The following ALK variants were observed in gnomAD, a reference collection of about 807,000 sequenced individuals.
The protein encoded by ALK is ALK receptor tyrosine kinase.
In ALK, 74 loss-of-function variants were observed where a neutral mutation model predicts 163.1. The observed-to-expected ratio is 0.45, with a 90% CI of 0.38 to 0.55. The LOEUF is 0.55. Ranked by LOEUF, ALK falls within the 20% of genes least tolerant of loss-of-function variation. The pLI is 0.00. For synonymous variants in ALK, 960 were observed against 843.2 expected, an observed-to-expected ratio of 1.14 and a Z score of -2.40; for missense variants, 2,063 against 2,105.3, an observed-to-expected ratio of 0.98 and a Z score of 0.39.
intron 5 of ALK, among the ~76,000 whole-genome samples, chr2:29,350,823 G>T (rs1389535593): frequency 6.6e-6 from 1 of 152,188 alleles, no homozygotes; most frequent in African/African-American, 2.4e-5. Flanking sequence ...GTCCAAGGTT[G>T]CAGAGCCAAA....
intron 11 of ALK, among the ~76,000 whole-genome samples, chr2:29,256,911 G>A (rs1053693676): frequency 5.3e-5 from 8 of 152,190 alleles, no homozygotes; most frequent in African/African-American, 1.9e-4. Flanking sequence ...GTGTCATAAG[G>A]GAAACCTAGT....
intron 3 of ALK, among the ~76,000 whole-genome samples, chr2:29,537,552 G>A (rs1673293221): frequency 6.6e-6 from 1 of 152,228 alleles, no homozygotes; most frequent in Non-Finnish European, 1.5e-5. Context: ...TACCACTGGG[G>A]CAGAGCCCTG....
chr2:29,233,904 G>T (rs1664294567), intron 13 of ALK, among the ~76,000 whole-genome samples: 1 of 152,232 alleles, frequency 6.6e-6, no homozygotes, highest in South Asian at 2.1e-4. Context: ...GAAAATGCTA[G>T]GAGAAACTGG....
chr2:29,800,413 C>A (rs1231949470), intron 1 of ALK, among the ~76,000 whole-genome samples: 1 of 152,144 alleles, frequency 6.6e-6, no homozygotes, highest in Admixed American at 6.5e-5. Context: ...GGTTTTATTG[C>A]GTTCACAGGC....
chr2:29,239,674 A>C lies in ALK; in HGVS notation c.2355+6T>G, dbSNP rs538087576. ...CAGACGAGAAACCCCTGCTCTGGGC[A>C]CTTACACTGGGGCAGGCGTCCTCTC... On this transcript the variant is annotated splice_donor_region_variant and intron_variant, in intron 13 of 28. Coordinates refer to ENST00000389048, the MANE Select transcript of ALK (RefSeq NM_004304.5). The C allele has an allele frequency of 1.2e-6, 2 of 1,613,694 alleles. No individual in the cohort carries two copies. Among genetic ancestry groups the C allele is most frequent in the Admixed American group, 3.3e-5 (2 of 60,020 alleles).
chr2:29,709,337 T>C (rs1387542948), intron 2 of ALK, among the ~76,000 whole-genome samples: 1 of 152,212 alleles, frequency 6.6e-6, no homozygotes, highest in Non-Finnish European at 1.5e-5. Flanking sequence ...GGAATGTCCC[T>C]GCCCTTTAAT....
intron 12 of ALK, among the ~76,000 whole-genome samples, chr2:29,240,578 T>C (rs567901677): frequency 2.6e-5 from 4 of 152,318 alleles, no homozygotes; most frequent in Non-Finnish European, 5.9e-5. Context: ...GCCGACTGTC[T>C]ATTCCCATCT....
intron 1 of ALK, among the ~76,000 whole-genome samples, chr2:29,750,630 G>A (rs1266546171): frequency 1.4e-5 from 1 of 71,804 alleles, no homozygotes; most frequent in East Asian, 4.5e-4. Flanking sequence ...GGAACAGAAT[G>A]GGAAGGAAGG....
At chr2:29,393,412 C>A (rs538164320) in intron 4 of ALK, among the ~76,000 whole-genome samples, 23 of 152,186 alleles carry the variant, frequency 1.5e-4, no homozygotes, top group Non-Finnish European at 3.4e-4. Flanking sequence ...TGGTTATTCT[C>A]TCCCTGCTGC....
At chr2:29,698,022 G>A (rs575792344) in intron 2 of ALK, among the ~76,000 whole-genome samples, 2 of 152,308 alleles carry the variant, frequency 1.3e-5, no homozygotes, top group South Asian at 4.2e-4. Context: ...CTTCTATTGA[G>A]TGTCTTTCTG....
At chr2:29,911,526 AG>A (rs201629212) in intron 1 of ALK, among the ~76,000 whole-genome samples, 1,647 of 152,362 alleles carry the variant, frequency 0.011, 31 homozygotes, top group African/African-American at 0.038. Flanking sequence ...GCAATAATAC[AG>A]GTAGGTAAAA....
chr2:29,830,970 G>GAA (rs1184093820), intron 1 of ALK, among the ~76,000 whole-genome samples: 42 of 35,054 alleles, frequency 1.2e-3, no homozygotes, highest in African/African-American at 4.0e-3. Flanking sequence ...AGAAGAAGAA[G>GAA]AAGAAGAAGA....
At chr2:29,483,142 G>A (rs1315372140) in intron 4 of ALK, among the ~76,000 whole-genome samples, 1 of 152,232 alleles carries the variant, frequency 6.6e-6, no homozygotes, top group African/African-American at 2.4e-5. Flanking sequence ...CTGGTCCCCA[G>A]CAAGCTGTAT....
intron 12 of ALK, among the ~76,000 whole-genome samples, chr2:29,241,126 G>A (rs1664511688): frequency 6.6e-6 from 1 of 152,150 alleles, no homozygotes; most frequent in Admixed American, 6.5e-5. Context: ...GGGCATTGAT[G>A]GGAGTTTATT....
chr2:29,386,522 A>G (rs1170191638), intron 4 of ALK, among the ~76,000 whole-genome samples: 1 of 152,192 alleles, frequency 6.6e-6, no homozygotes, highest in Non-Finnish European at 1.5e-5. Flanking sequence ...TTGAGGAAAG[A>G]TAGTGGTGAA....
chr2:29,200,068 G>C (rs921841943), intron 26 of ALK, among the ~76,000 whole-genome samples: 1 of 152,128 alleles, frequency 6.6e-6, no homozygotes, highest in Non-Finnish European at 1.5e-5. Context: ...TACATTATTA[G>C]ATCTCTTGAT....
chr2:29,820,142 G>C (rs1665009954), intron 1 of ALK, among the ~76,000 whole-genome samples: 1 of 152,208 alleles, frequency 6.6e-6, no homozygotes, highest in Non-Finnish European at 1.5e-5. Flanking sequence ...GTCAGTGACA[G>C]TATGTGACTT....
At chr2:29,234,727 G>A (rs749106678) in intron 13 of ALK, among the ~76,000 whole-genome samples, 3 of 152,094 alleles carry the variant, frequency 2.0e-5, no homozygotes, top group Non-Finnish European at 4.4e-5. Flanking sequence ...CTAGTGGAGC[G>A]CCTCACACAT....
At chr2:29,575,484 T>C (rs1333766361) in intron 3 of ALK, among the ~76,000 whole-genome samples, 1 of 152,128 alleles carries the variant, frequency 6.6e-6, no homozygotes, top group African/African-American at 2.4e-5. Flanking sequence ...TGGCTATAGC[T>C]CTGTGACATT....
Sources: allele counts gnomAD v4.1 joint callset (sites outside exome capture counted in the v4.1 genomes callset), GRCh38; gene constraint gnomAD v4.1.1; transcripts MANE v1.5; gene names NCBI Gene and HGNC (gene_info 2026-07-23, HGNC 2026-07-21).